The following CIB1 variants were observed in gnomAD, a reference collection of about 807,000 sequenced individuals.
CIB1 encodes the protein calcium and integrin binding 1.
CIB1 carries 19 observed loss-of-function variants against 25.0 expected under a neutral mutation model. The observed-to-expected ratio is 0.76, with a 90% CI of 0.53 to 1.12. The LOEUF (loss-of-function observed/expected upper bound fraction) is 1.12. CIB1 is among the 50% of genes most tolerant of loss of function. The pLI is 0.00. For synonymous variants in CIB1, 104 were observed against 98.5 expected, an observed-to-expected ratio of 1.06 and a Z score of -0.33; for missense variants, 236 against 242.6, an observed-to-expected ratio of 0.97 and a Z score of 0.18.
the CIB1 span, among the ~76,000 whole-genome samples, chr15:90,254,418 A>G: frequency 6.9e-6 from 1 of 145,296 alleles, no homozygotes; most frequent in African/African-American, 2.5e-5. Flanking sequence ...ACTTGAACCC[A>G]GGAGGCGGAG....
chr15:90,249,073 T>C, the CIB1 span, among the ~76,000 whole-genome samples: 1 of 151,940 alleles, frequency 6.6e-6, no homozygotes, highest in Admixed American at 6.6e-5. Flanking sequence ...GAGCCCGGCG[T>C]GGTGGCACGC....
At chr15:90,249,694 A>T in the CIB1 span, 8 of 152,252 alleles carry the variant, frequency 5.3e-5, no homozygotes, top group Non-Finnish European at 1.0e-4. Context: ...GACGCCCAGA[A>T]ACGCCCAGGG....
the CIB1 span, chr15:90,258,227 T>C: frequency 6.2e-7 from 1 of 1,614,258 alleles, no homozygotes; most frequent in South Asian, 1.1e-5. Context: ...TCCTTGGTTT[T>C]GACATCTTGC....
chr15:90,255,823 C>T, the CIB1 span: 28 of 1,614,062 alleles, frequency 1.7e-5, no homozygotes, highest in African/African-American at 1.6e-4. Context: ...ACCTCAACCG[C>T]ATGTACAAAC....
At chr15:90,265,743 G>C in the CIB1 span, 2 of 1,613,150 alleles carry the variant, frequency 1.2e-6, no homozygotes, top group African/African-American at 2.7e-5. Flanking sequence ...CTTGCTGGGC[G>C]GGCGCGTTTG....
rs539572265 is a variant in CIB1 at position 90,229,992 on chromosome 15, T to C, written c.*492A>G. On this transcript the variant is annotated 3_prime_UTR_variant, in exon 7 of 7. Coordinates refer to ENST00000328649, the MANE Select transcript of CIB1 (RefSeq NM_006384.4). ...TCAGATCATGCAGTAAAATAGACTT[T>C]ACTGATGTACGGTTCTTTACATTTT... The C allele has an allele frequency of 4.3e-4, 76 of 175,898 alleles. 2 individuals are homozygous for C. The South Asian group carries it at 8.2e-3, about 19-fold the overall frequency. 10.9% of individuals were successfully genotyped at this position (175,898 alleles called of 1,614,324 possible). A position where few individuals can be genotyped will look rare whatever the true frequency, so the allele number is the denominator to read the frequency against.
chr15:90,232,866 C>T (rs923887637), intron 2 of CIB1, among the ~76,000 whole-genome samples: 6 of 151,178 alleles, frequency 4.0e-5, no homozygotes, highest in Non-Finnish European at 8.8e-5. Context: ...GGAGGCAGAG[C>T]CTGCAGTGAG....
chr15:90,238,798 C>A (rs117113619), upstream of CIB1, among the ~76,000 whole-genome samples: 1 of 152,124 alleles, frequency 6.6e-6, no homozygotes, highest in South Asian at 2.1e-4. Flanking sequence ...ATCTTTGAAA[C>A]CCTGAGCACT....
At chr15:90,242,431 C>CTTTTTTTTTTTTTTTTT in the CIB1 span, 3 of 65,510 alleles carry the variant, frequency 4.6e-5, no homozygotes, top group Non-Finnish European at 9.2e-5. Context: ...TTTTCTGTTT[C>CTTTTTTTTTTTTTTTTT]TTTTTTTTTT....
the CIB1 span, chr15:90,257,489 C>G: frequency 2.1e-6 from 2 of 970,714 alleles, no homozygotes; most frequent in Non-Finnish European, 3.0e-6. Context: ...CACTCTTCCC[C>G]AGGATCATCT....
the CIB1 span, chr15:90,262,011 A>G: frequency 6.5e-7 from 1 of 1,532,514 alleles, no homozygotes; most frequent in East Asian, 2.4e-5. Context: ...CACAGGAAAG[A>G]AAAAACTGAG....
the CIB1 span, chr15:90,259,096 C>T: frequency 7.1e-7 from 1 of 1,416,018 alleles, no homozygotes; most frequent in South Asian, 1.4e-5. Flanking sequence ...GGCTTGGTGG[C>T]TCATATCTGT....
chr15:90,231,348 G>C lies in CIB1; in HGVS notation c.346+9C>G, dbSNP rs535337679. On this transcript the variant is annotated intron_variant, in intron 4 of 6. Coordinates refer to ENST00000328649, the MANE Select transcript of CIB1 (RefSeq NM_006384.4). ...GGTGGTGTCCTGCCGGGCTGCTCCTGGTTCTCACCAAAGATGCGGAAGGCA... is the reference window on the plus strand; with the variant it reads ...GGTGGTGTCCTGCCGGGCTGCTCCTCGTTCTCACCAAAGATGCGGAAGGCA... 1 of 1,613,456 alleles carries C rather than the reference G, an allele frequency of 6.2e-7. No individual in the cohort carries two copies. The highest frequency in any genetic ancestry group is 1.1e-5 in the South Asian group (1 of 91,060).
the CIB1 span, chr15:90,245,781 GA>G: frequency 2.0e-5 from 3 of 152,302 alleles, no homozygotes; most frequent in African/African-American, 4.8e-5. Flanking sequence ...ATAAAAAGGG[GA>G]AAGTAAAATG....
At chr15:90,262,362 C>A in the CIB1 span, 3 of 1,160,582 alleles carry the variant, frequency 2.6e-6, no homozygotes, top group Non-Finnish European at 3.5e-6. Flanking sequence ...CTATCTTCCC[C>A]TCTCATTGCT....
At chr15:90,256,581 CTTTCTTTCTTTCTTTCTTTCT>C in the CIB1 span, among the ~76,000 whole-genome samples, 202 of 35,694 alleles carry the variant, frequency 5.7e-3, 8 homozygotes, top group Middle Eastern at 0.07. Context: ...TTCTTTCTTT[CTTTCTTTCTTTCTTTCTTTCT>C]TTCTTTCCTT....
At chr15:90,265,213 A>G in the CIB1 span, 1 of 1,354,196 alleles carries the variant, frequency 7.4e-7, no homozygotes, top group Non-Finnish European at 9.5e-7. Flanking sequence ...ATTTCTGCTC[A>G]TCAAGCCTTA....
At chr15:90,231,250 G>T (rs1255609793) in intron 4 of CIB1, 37 bp from the exon 5 acceptor site, 1 of 1,611,578 alleles carries the variant, frequency 6.2e-7, no homozygotes, top group African/African-American at 1.3e-5. Flanking sequence ...AGACACGGTT[G>T]GGAGGGGCTC....
the CIB1 span, chr15:90,256,067 AG>A: frequency 6.3e-7 from 1 of 1,575,830 alleles, no homozygotes. Context: ...ACTAGATAGC[AG>A]GAAGAGCTCC....
Sources: gnomAD v4.1 joint callset for allele counts (sites outside exome capture counted in the v4.1 genomes callset) on GRCh38, gnomAD v4.1.1 for gene constraint, MANE v1.5 for transcripts, NCBI Gene and HGNC (gene_info 2026-07-23, HGNC 2026-07-21) for gene names.